Variants in AKAP1 observed in about 807,000 individuals in gnomAD.
The protein encoded by AKAP1 is A-kinase anchor protein 1, mitochondrial.
A neutral mutation model predicts 79.8 loss-of-function variants in AKAP1; 32 were observed. The observed-to-expected ratio is 0.40, with a 90% CI of 0.30 to 0.54. The LOEUF (loss-of-function observed/expected upper bound fraction) is 0.54. Among genes scored for constraint, AKAP1 ranks in the 20% least tolerant of loss-of-function variants. AKAP1 has a pLI of 0.47. For missense variants in AKAP1, 961 were observed against 1,138.9 expected, an observed-to-expected ratio of 0.84 and a Z score of 2.25; for synonymous variants, 416 against 466.7, an observed-to-expected ratio of 0.89 and a Z score of 1.40.
Position 57,105,915 on chromosome 17 carries a change from T to G in AKAP1, c.451T>G (p.Ser151Ala). Residue 151 changes from serine (S) to alanine (A), a missense_variant, in exon 2 of 11, where the codon TCC becomes GCC. Ser to Ala is a moderately conservative substitution (Grantham distance 99). Coordinates refer to ENST00000337714, the MANE Select transcript of AKAP1 (RefSeq NM_003488.4). The stretch of plus-strand genomic sequence containing the variant: ...GATTCCTCTAGAGTGCCCCCTTTCA[T>G]CCCCAAAGGGTGTACTATTCTCCAG... ...KSIPLECPLSSPKGVLFSSKS... is the reference protein window; with the variant it reads ...KSIPLECPLSAPKGVLFSSKS... 1 of 1,614,154 alleles carries G rather than the reference T, an allele frequency of 6.2e-7. No individual in the cohort carries two copies. Among genetic ancestry groups the G allele is most frequent in the South Asian group, 1.1e-5 (1 of 91,084 alleles).
At chr17:57,099,467 G>C (rs1277618754) in intron 1 of AKAP1, among the ~76,000 whole-genome samples, 2 of 152,202 alleles carry the variant, frequency 1.3e-5, no homozygotes, top group Non-Finnish European at 2.9e-5. Context: ...GCTGGGGAGA[G>C]ATGGGCACTG....
intron 2 of AKAP1, among the ~76,000 whole-genome samples, chr17:57,108,910 C>T (rs1428303169): frequency 2.6e-5 from 4 of 152,218 alleles, no homozygotes. Flanking sequence ...CCTCGCCCAG[C>T]CCCTGTCAGC....
rs1376602789 is a variant in AKAP1, at chr17:57,086,482, T to C, written c.-25+1084T>C. 8 of 452,912 alleles carry C rather than the reference T, an allele frequency of 1.8e-5. No homozygotes were observed. Among genetic ancestry groups the C allele is most frequent in the African/African-American group, 4.0e-5 (2 of 49,804 alleles). The allele number at this position is 452,912 out of a possible 1,614,324, so 28.1% of individuals were successfully genotyped here. On this transcript the variant is annotated intron_variant, in intron 1 of 10. Transcript: ENST00000337714. The surrounding 1 kb of genome is among the most constrained non-coding windows in gnomAD (Gnocchi z 5.1). Reference sequence around the variant, plus strand: ...GATCTTCCTCTCCTGGGGGATGTCCTGGGTGGCGGCGCCTTCCTGCCGCCG... The same window carrying C: ...GATCTTCCTCTCCTGGGGGATGTCCCGGGTGGCGGCGCCTTCCTGCCGCCG...
chr17:57,108,202 T>C (rs1466571911), intron 2 of AKAP1, among the ~76,000 whole-genome samples: 2 of 152,174 alleles, frequency 1.3e-5, no homozygotes, highest in African/African-American at 2.4e-5. Flanking sequence ...GGAATCTTTA[T>C]TGGGAATTTT....
intron 1 of AKAP1, chr17:57,094,577 C>G (rs1057417438): frequency 3.3e-5 from 5 of 150,592 alleles, no homozygotes; most frequent in Non-Finnish European, 7.4e-5. Flanking sequence ...ATTTGGGTAC[C>G]AGGGAGTGGT....
intron 6 of AKAP1, 87 bp downstream of exon 6, chr17:57,114,723 C>T (rs746974386): frequency 4.9e-5 from 67 of 1,356,468 alleles, no homozygotes; most frequent in Admixed American, 1.5e-4. Context: ...GGCTGTTCTG[C>T]GATCCTTCAT....
chr17:57,106,806 A>G lies in AKAP1; in HGVS notation c.1342A>G (p.Lys448Glu), dbSNP rs1322567701. The G allele has an allele frequency of 6.2e-7, 1 of 1,614,140 alleles. No homozygotes were observed. The highest frequency in any genetic ancestry group is 8.5e-7 in the Non-Finnish European group (1 of 1,180,032). ...GAAGAGCCTTCTGTCCAGCCCCACC[A>G]AGGACAGTAAGCCAAATATCTCTGC... ...CLKSLLSSPT[K>E]DSKPNISAHH... Residue 448 changes from lysine (K) to glutamate (E), a missense_variant, in exon 2 of 11, where the codon AAG becomes GAG. This residue lies in a region of AKAP1 where 629 missense variants were observed against 781.1 expected (regional missense o/e 0.81). Transcript: ENST00000337714.
At chr17:57,111,947 A>AT in intron 4 of AKAP1, 23 bp downstream of exon 4, 1 of 1,603,942 alleles carries the variant, frequency 6.2e-7, no homozygotes. Context: ...TGCTGCTTGT[A>AT]TTGCCTCTTA....
At chr17:57,116,820 T>A in intron 7 of AKAP1, 40 bp from the exon 8 acceptor site, 3 of 1,587,774 alleles carry the variant, frequency 1.9e-6, no homozygotes, top group Non-Finnish European at 2.6e-6. Flanking sequence ...GAGTCAGCCT[T>A]CATGTCCACA....
intron 4 of AKAP1, 63 bp from the exon 5 acceptor site, chr17:57,112,428 G>T: frequency 6.4e-7 from 1 of 1,572,928 alleles, no homozygotes; most frequent in Non-Finnish European, 8.6e-7. Context: ...CTGTGTTTTT[G>T]TGAGTGTGGG....
chr17:57,114,698 T>C, intron 6 of AKAP1, 62 bp downstream of exon 6: 1 of 1,491,118 alleles, frequency 6.7e-7, no homozygotes, highest in Non-Finnish European at 9.2e-7. Context: ...CTGCCCTGGA[T>C]CCTGATCAGG....
chr17:57,100,141 T>A (rs967134282), intron 1 of AKAP1, among the ~76,000 whole-genome samples: 13 of 152,164 alleles, frequency 8.5e-5, no homozygotes, highest in Non-Finnish European at 1.9e-4. Flanking sequence ...TAAGGAGAAC[T>A]AGCCCCCGGT....
Position 57,088,515 on chromosome 17 carries a change from C to G in AKAP1, c.-25+3117C>G, listed in dbSNP as rs904534825. 5.9e-5 allele frequency among the ~76,000 whole-genome samples: 9 copies of G among 152,324 alleles called. 2 individuals are homozygous for G. The highest frequency in any genetic ancestry group is 5.9e-4 in the Admixed American group (9 of 15,296). On this transcript the variant is annotated intron_variant, in intron 1 of 10. Coordinates refer to ENST00000337714, the MANE Select transcript of AKAP1 (RefSeq NM_003488.4). Reference sequence around the variant, plus strand: ...AGCTGGAGGTCATTCTGGATTGTTTCAGTGGCTGTCACACAAATTCAAATT... The same window carrying G: ...AGCTGGAGGTCATTCTGGATTGTTTGAGTGGCTGTCACACAAATTCAAATT...
chr17:57,097,165 GAT>G (rs1567899471), intron 1 of AKAP1, among the ~76,000 whole-genome samples: 1 of 152,168 alleles, frequency 6.6e-6, no homozygotes. Context: ...CATGCCCAAA[GAT>G]ATTAGAACCT....
At chr17:57,097,557 C>T (rs1914200995) in intron 1 of AKAP1, among the ~76,000 whole-genome samples, 1 of 152,248 alleles carries the variant, frequency 6.6e-6, no homozygotes, top group African/African-American at 2.4e-5. Context: ...TGGCCACAGA[C>T]TGCTGTCATT....
chr17:57,116,756 C>A, intron 7 of AKAP1, 104 bp from the exon 8 acceptor site: 1 of 1,121,872 alleles, frequency 8.9e-7, no homozygotes, highest in Non-Finnish European at 1.4e-6. Flanking sequence ...CTCTGCTTTG[C>A]TGCATCCCAG....
At chr17:57,115,823 G>T (rs951770629) in intron 6 of AKAP1, among the ~76,000 whole-genome samples, 1 of 152,126 alleles carries the variant, frequency 6.6e-6, no homozygotes, top group Non-Finnish European at 1.5e-5. Context: ...TGTCCCTCTT[G>T]GGTCCCAGAA....
At chr17:57,093,819 G>A (rs1441260526) in intron 1 of AKAP1, 2 of 141,288 alleles carry the variant, frequency 1.4e-5, no homozygotes, top group East Asian at 4.1e-4. Context: ...ATTGTCAGTA[G>A]TATTATTTTC....
Position 57,111,922 on chromosome 17 carries a change from A to G in AKAP1, c.1973A>G (p.Glu658Gly). 1 of 1,612,516 alleles carries G rather than the reference A, an allele frequency of 6.2e-7. No individual in the cohort carries two copies. The highest frequency in any genetic ancestry group is 8.5e-7 in the Non-Finnish European group (1 of 1,178,868). ...CAGAGCGTCCAGATCTGCCACATAG[A>G]AGGTCAGTAACATCTGCTGCTTGTA... ...YTQSVQICHIEGSQHHVDKAL... is the reference protein window; with the variant it reads ...YTQSVQICHIGGSQHHVDKAL... The change falls in exon 4 of 11, where the codon GAA (glutamate) becomes GGA (glycine). Residue 658 changes from glutamate (E) to glycine (G), a missense_variant and splice_region_variant. By Grantham distance (98) the Glu-to-Gly change is moderately conservative (BLOSUM62 -2). Transcript: ENST00000337714.
Sources: allele counts gnomAD v4.1 joint callset (sites outside exome capture counted in the v4.1 genomes callset), GRCh38; gene constraint gnomAD v4.1.1; regional missense constraint gnomAD v4.1.1; non-coding constraint Gnocchi (gnomAD v3.1); transcripts MANE v1.5; gene names NCBI Gene and HGNC (gene_info 2026-07-23, HGNC 2026-07-21).